Variants in OPRK1 observed in about 807,000 individuals in gnomAD.
OPRK1 encodes kappa-type opioid receptor.
OPRK1 carries 15 observed loss-of-function variants against 24.5 expected under a neutral mutation model. The ratio of observed to expected loss-of-function variants is 0.61; its 90% CI spans 0.41 to 0.94. OPRK1 has a LOEUF of 0.94. Among genes scored for constraint, OPRK1 ranks in the 40% least tolerant of loss-of-function variants. OPRK1 has a pLI of 0.00. For synonymous variants in OPRK1, 205 were observed against 198.0 expected (o/e 1.04, Z -0.30); for missense variants, 479 against 507.3 (o/e 0.94, Z 0.54).
At chr8:53,250,636 G>A in intron 2 of OPRK1, 145 bp downstream of exon 2, 1 of 856,980 alleles carries the variant, frequency 1.2e-6, no homozygotes, top group Non-Finnish European at 1.7e-6. Context: ...CTTCTAGGAA[G>A]CCACCCTGTA....
chr8:53,229,526 C>T lies in OPRK1; in HGVS notation c.914G>A (p.Ser305Asn), dbSNP rs1326691381. ...LVEALGSTSH[S>N]TAALSSYYFC... ...GTAATAGCTGGAGAGAGCAGCTGTG[C>T]TGTGGGAGGTGCTCCCCAGAGCCTC... The change falls in exon 4 of 4, where the codon AGC becomes AAC. Residue 305 changes from serine to asparagine, a missense_variant. Physicochemically the swap from Ser to Asn is conservative, Grantham distance 46. Transcript: ENST00000265572. The T allele has an allele frequency of 1.2e-6, 2 of 1,614,086 alleles. No homozygotes were observed. Among genetic ancestry groups the T allele is most frequent in the Non-Finnish European group, 1.7e-6 (2 of 1,180,044 alleles).
At chr8:53,250,708 G>A (rs1247013236) in intron 2 of OPRK1, 73 bp downstream of exon 2, 3 of 1,480,468 alleles carry the variant, frequency 2.0e-6, no homozygotes, top group Non-Finnish European at 1.8e-6. Flanking sequence ...CCCCACTGCT[G>A]CTCCAGTGGC....
chr8:53,241,742 C>T (rs1468075931), intron 2 of OPRK1, among the ~76,000 whole-genome samples: 1 of 152,154 alleles, frequency 6.6e-6, no homozygotes, highest in Non-Finnish European at 1.5e-5. Context: ...TGGTGCAAAG[C>T]GCAAAGGCGT....
intron 2 of OPRK1, among the ~76,000 whole-genome samples, chr8:53,235,664 T>C (rs1806973398): frequency 6.6e-6 from 1 of 152,216 alleles, no homozygotes; most frequent in African/African-American, 2.4e-5. Context: ...GCACCATTAA[T>C]TTGTCATTTT....
chr8:53,251,180 C>T (rs1807387311), intron 1 of OPRK1, 95 bp from the exon 2 acceptor site: 1 of 1,336,402 alleles, frequency 7.5e-7, no homozygotes, highest in Non-Finnish European at 9.7e-7. Context: ...CGGACTCCCA[C>T]CCGGGCCGCA....
chr8:53,240,485 C>T (rs986707532), intron 2 of OPRK1, among the ~76,000 whole-genome samples: 1 of 152,050 alleles, frequency 6.6e-6, no homozygotes. Context: ...TCCAAAGAGG[C>T]CCAAGACACC....
At chr8:53,231,910 A>T (rs1806863110) in intron 3 of OPRK1, among the ~76,000 whole-genome samples, 1 of 152,168 alleles carries the variant, frequency 6.6e-6, no homozygotes, top group South Asian at 2.1e-4. Flanking sequence ...TCCCAAACAA[A>T]CTGCCTTGCA....
At chr8:53,230,642 C>A (rs1240050523) in intron 3 of OPRK1, among the ~76,000 whole-genome samples, 1 of 152,114 alleles carries the variant, frequency 6.6e-6, no homozygotes, top group Non-Finnish European at 1.5e-5. Flanking sequence ...TTTGGAGTAG[C>A]CTTAATATTA....
intron 2 of OPRK1, among the ~76,000 whole-genome samples, chr8:53,243,512 G>A (rs751841762): frequency 3.3e-5 from 5 of 152,114 alleles, no homozygotes; most frequent in Non-Finnish European, 5.9e-5. Flanking sequence ...TTGGTTTCTC[G>A]CATTCTCACT....
chr8:53,248,290 C>T lies in OPRK1; in HGVS notation c.257+2491G>A, dbSNP rs550318940. Among the ~76,000 whole-genome samples, 73 of 152,298 alleles carry T rather than the reference C, an allele frequency of 4.8e-4. 1 individual carries two copies. Among genetic ancestry groups the T allele is most frequent in the South Asian group, 3.1e-3 (15 of 4,822 alleles). On this transcript the variant is annotated intron_variant, in intron 2 of 3. Transcript: ENST00000265572. ...AAAGTAGGCATATCTTTCTCCAGAG[C>T]TCTTTCTCCCCAGGTCTGAGCTGAA...
At chr8:53,238,095 C>A (rs1807035087) in intron 2 of OPRK1, among the ~76,000 whole-genome samples, 1 of 152,192 alleles carries the variant, frequency 6.6e-6, no homozygotes, top group Non-Finnish European at 1.5e-5. Context: ...GAATATAAAG[C>A]AAGGCTGTGA....
At chr8:53,249,088 C>T (rs890149299) in intron 2 of OPRK1, among the ~76,000 whole-genome samples, 2 of 152,090 alleles carry the variant, frequency 1.3e-5, no homozygotes, top group Non-Finnish European at 2.9e-5. Flanking sequence ...TAGGATTCTT[C>T]ATTCTTTTTA....
Position 53,242,803 on chromosome 8 carries a change from G to C in OPRK1, c.258-7692C>G, listed in dbSNP as rs1807146309. The C allele has an allele frequency of 2.4e-6, 3 of 1,235,042 alleles. No homozygotes were observed. In the South Asian group the frequency reaches 4.1e-5, roughly 17 times the overall value. The allele number at this position is 1,235,042 out of a possible 1,614,324, so 76.5% of individuals were successfully genotyped here. A position where few individuals can be genotyped will look rare whatever the true frequency, so the allele number is the denominator to read the frequency against. ...TTACGGGCCTGAGCCACCGCGCCCG[G>C]CCACTCCAGCCATTCTTAATCCAAG... is the stretch of plus-strand genomic sequence containing the variant. On this transcript the variant is annotated intron_variant, in intron 2 of 3. Coordinates refer to ENST00000265572, the MANE Select transcript of OPRK1 (RefSeq NM_000912.5).
At chr8:53,230,359 T>C (rs994537857) in intron 3 of OPRK1, among the ~76,000 whole-genome samples, 10 of 152,162 alleles carry the variant, frequency 6.6e-5, no homozygotes, top group Non-Finnish European at 1.3e-4. Context: ...CAAAAATTGA[T>C]ATGGAATTTG....
intron 2 of OPRK1, among the ~76,000 whole-genome samples, chr8:53,250,229 T>C (rs1333404677): frequency 1.3e-5 from 2 of 152,170 alleles, no homozygotes; most frequent in Non-Finnish European, 2.9e-5. Flanking sequence ...CATTTGATAC[T>C]AAAAAGGCTC....
At chr8:53,230,918 T>C (rs931437957) in intron 3 of OPRK1, among the ~76,000 whole-genome samples, 3 of 152,224 alleles carry the variant, frequency 2.0e-5, no homozygotes, top group Non-Finnish European at 4.4e-5. Flanking sequence ...TGAATATTTT[T>C]TTAAATAGCA....
chr8:53,235,835 A>G (rs1036347718), intron 2 of OPRK1, among the ~76,000 whole-genome samples: 2 of 152,212 alleles, frequency 1.3e-5, no homozygotes, highest in African/African-American at 4.8e-5. Flanking sequence ...AGAGAAGAGT[A>G]ATTTTCAAGG....
chr8:53,231,671 T>C (rs1381679407), intron 3 of OPRK1, among the ~76,000 whole-genome samples: 1 of 152,208 alleles, frequency 6.6e-6, no homozygotes, highest in East Asian at 1.9e-4. Flanking sequence ...TAATCAACAC[T>C]GAATCCCTGG....
rs1806787354 is a variant in OPRK1, at chr8:53,229,139, AC to A, written c.*157del. On this transcript the variant is annotated 3_prime_UTR_variant, in exon 4 of 4. Transcript: ENST00000265572. Reference sequence around the variant, plus strand: ...TCCTTGATGTTTCCACTGATCACGAACGTGGTCTGCATCTGATGACTTCAGA... The same window carrying A: ...TCCTTGATGTTTCCACTGATCACGAAGTGGTCTGCATCTGATGACTTCAGA... 3.7e-6 allele frequency: 3 copies of A among 807,042 alleles called. No homozygotes were observed. The Admixed American group carries it at 8.9e-5, about 24-fold the overall frequency. 50.0% of individuals were successfully genotyped at this position (807,042 alleles called of 1,614,324 possible). A position where few individuals can be genotyped will look rare whatever the true frequency, so the allele number is the denominator to read the frequency against.
Sources: gnomAD v4.1 joint callset for allele counts (sites outside exome capture counted in the v4.1 genomes callset) on GRCh38, gnomAD v4.1.1 for gene constraint, MANE v1.5 for transcripts, NCBI Gene and HGNC (gene_info 2026-07-23, HGNC 2026-07-21) for gene names.